Variants in DOCK5 observed in about 807,000 individuals in gnomAD.
DOCK5 encodes the protein dedicator of cytokinesis 5.
DOCK5 carries 142 observed loss-of-function variants against 251.8 expected under a neutral mutation model. That is an observed-to-expected ratio of 0.56 (90% CI 0.49 to 0.65). DOCK5 has a LOEUF of 0.65. Ranked by LOEUF, DOCK5 falls within the 30% of genes least tolerant of loss-of-function variation. The pLI is 0.00. For synonymous variants in DOCK5, 842 were observed against 835.5 expected, an observed-to-expected ratio of 1.01 and a Z score of -0.13; for missense variants, 2,111 against 2,312.3, an observed-to-expected ratio of 0.91 and a Z score of 1.79.
chr8:25,390,568 G>A (rs1254654220), intron 42 of DOCK5, among the ~76,000 whole-genome samples: 2 of 152,170 alleles, frequency 1.3e-5, no homozygotes, highest in African/African-American at 2.4e-5. Context: ...TAAAAGCTTG[G>A]TAATACAAAG....
At chr8:25,241,066 C>T (rs547154801) in intron 1 of DOCK5, among the ~76,000 whole-genome samples, 8 of 152,300 alleles carry the variant, frequency 5.3e-5, no homozygotes, top group African/African-American at 1.9e-4. Context: ...CATTTAAGGC[C>T]ACCCTGATAA....
At chr8:25,188,071 T>C (rs528217525) in intron 1 of DOCK5, among the ~76,000 whole-genome samples, 1 of 152,278 alleles carries the variant, frequency 6.6e-6, no homozygotes, top group East Asian at 1.9e-4. Flanking sequence ...GATGTTGGGG[T>C]GCCGTTCTAA....
At chr8:25,329,468 G>A (rs1259119491) in intron 18 of DOCK5, among the ~76,000 whole-genome samples, 1 of 152,018 alleles carries the variant, frequency 6.6e-6, no homozygotes, top group African/African-American at 2.4e-5. Context: ...GTTAATAATT[G>A]AACTGTCTAA....
chr8:25,341,757 C>T lies in DOCK5; in HGVS notation c.2458C>T (p.Leu820Phe). Residue 820 changes from leucine (L) to phenylalanine (F), a missense_variant, in exon 24 of 52, where the codon CTT becomes TTT. This residue lies in a region of DOCK5 where 1,717 missense variants were observed against 1,892.4 expected (regional missense o/e 0.91). Coordinates refer to ENST00000276440, the MANE Select transcript of DOCK5 (RefSeq NM_024940.8). ...CTTACAGGGGGCAGCTTTGAAGTAC[C>T]TTCCTAGCATAATTAATGATGTCAA... ...VKIKGAALKY[L>F]PSIINDVKLV... 6.3e-7 allele frequency: 1 copy of T among 1,578,776 alleles called. No individual in the cohort carries two copies. Among genetic ancestry groups the T allele is most frequent in the Non-Finnish European group, 8.6e-7 (1 of 1,160,452 alleles).
intron 2 of DOCK5, among the ~76,000 whole-genome samples, chr8:25,256,908 T>C (rs1803436042): frequency 6.6e-6 from 1 of 151,826 alleles, no homozygotes; most frequent in African/African-American, 2.4e-5. Flanking sequence ...TTTTTGGTCC[T>C]CTTTCTTTTA....
At chr8:25,319,521 T>A (rs1805362846) in intron 14 of DOCK5, 57 bp from the exon 15 acceptor site, 1 of 1,235,020 alleles carries the variant, frequency 8.1e-7, no homozygotes. Context: ...GTATATGGGG[T>A]CCTCTTACTT....
At chr8:25,279,243 A>G (rs901744365) in intron 5 of DOCK5, among the ~76,000 whole-genome samples, 2 of 152,194 alleles carry the variant, frequency 1.3e-5, no homozygotes, top group Non-Finnish European at 2.9e-5. Flanking sequence ...GTTTGACCTC[A>G]TAATGCTAAT....
At chr8:25,260,517 G>A (rs773816593) in intron 2 of DOCK5, among the ~76,000 whole-genome samples, 5 of 152,134 alleles carry the variant, frequency 3.3e-5, no homozygotes, top group African/African-American at 9.7e-5. Context: ...TGCTTTTCTT[G>A]TTGGGAAATC....
rs34216387 is a variant in DOCK5, at chr8:25,356,907, TTATATATATATATATATATATATA to T, written c.2851-2040_2851-2017del. On this transcript the variant is annotated intron_variant, in intron 27 of 51. Transcript: ENST00000276440. ...AATTTTAAATCCCTCTATATGAAGA[TTATATATATATATATATATATATA>T]TATATATATATATATGCAAATTAAA... Among the ~76,000 whole-genome samples, 95 of 131,326 alleles carry T rather than the reference TTATATATATATATATATATATATA, an allele frequency of 7.2e-4. 6 individuals are homozygous for T. The South Asian group carries it at 0.023, about 32-fold the overall frequency. The allele number at this position is 131,326 out of a possible 152,430, so 86.2% of individuals were successfully genotyped here. A position where few individuals can be genotyped will look rare whatever the true frequency, so the allele number is the denominator to read the frequency against.
At chr8:25,339,516 C>A (rs1298395725) in intron 22 of DOCK5, among the ~76,000 whole-genome samples, 17 of 152,024 alleles carry the variant, frequency 1.1e-4, no homozygotes, top group Non-Finnish European at 1.5e-5. Context: ...GTGGTGGAAC[C>A]AGCAGGGAAG....
chr8:25,187,597 T>G (rs1801467078), intron 1 of DOCK5, among the ~76,000 whole-genome samples: 1 of 151,992 alleles, frequency 6.6e-6, no homozygotes, highest in African/African-American at 2.4e-5. Context: ...CCTCCTTGCT[T>G]ATGTTTATGT....
intron 1 of DOCK5, 95 bp from the exon 2 acceptor site, chr8:25,243,579 T>A (rs1563322047): frequency 6.9e-6 from 8 of 1,164,382 alleles, no homozygotes; most frequent in Non-Finnish European, 9.8e-6. Flanking sequence ...TCCACCCACC[T>A]CACCCTCTCA....
At chr8:25,256,329 A>G (rs1563326926) in intron 2 of DOCK5, among the ~76,000 whole-genome samples, 1 of 152,180 alleles carries the variant, frequency 6.6e-6, no homozygotes, top group South Asian at 2.1e-4. Context: ...TTTAGTTTTC[A>G]CCAATGCCAG....
At chr8:25,295,858 C>T (rs534230980) in intron 6 of DOCK5, among the ~76,000 whole-genome samples, 1 of 152,274 alleles carries the variant, frequency 6.6e-6, no homozygotes, top group East Asian at 1.9e-4. Context: ...CTTGCTTTCT[C>T]ATGCAGGCTA....
At chr8:25,364,534 C>G in intron 29 of DOCK5, 92 bp from the exon 30 acceptor site, 1 of 867,760 alleles carries the variant, frequency 1.2e-6, no homozygotes, top group Non-Finnish European at 1.9e-6. Flanking sequence ...ATGCCAAGTT[C>G]AGGTTTGGTT....
intron 14 of DOCK5, 69 bp downstream of exon 14, chr8:25,317,200 C>T: frequency 6.4e-6 from 10 of 1,567,114 alleles, no homozygotes; most frequent in South Asian, 5.8e-5. Context: ...GAATCTTGGC[C>T]GTATTTTAAT....
chr8:25,268,858 A>G lies in DOCK5; in HGVS notation c.141A>G (p.Gly47=), dbSNP rs1010994828. 5.1e-6 allele frequency: 8 copies of G among 1,565,324 alleles called. No individual in the cohort carries two copies. The Admixed American group carries it at 8.3e-5, about 16-fold the overall frequency. ...TTGCTCTGACAGGTTGGTACAGAGG[A>G]TATACCCTCCAAAATAAATCTAAAA... is the stretch of plus-strand genomic sequence containing the variant. ...ILEMYEGWYR[G]YTLQNKSKKG... is the part of the protein sequence containing the mutation. The change falls in exon 3 of 52, where the codon GGA becomes GGG. Residue 47 remains glycine (G), a synonymous_variant. Transcript: ENST00000276440.
intron 1 of DOCK5, among the ~76,000 whole-genome samples, chr8:25,202,195 T>G (rs1464992135): frequency 6.6e-6 from 1 of 152,088 alleles, no homozygotes; most frequent in East Asian, 1.9e-4. Context: ...TTTTTGTATT[T>G]TTAGAAGAGA....
At chr8:25,186,823 A>C (rs1417244253) in intron 1 of DOCK5, among the ~76,000 whole-genome samples, 2 of 152,200 alleles carry the variant, frequency 1.3e-5, no homozygotes, top group African/African-American at 2.4e-5. Flanking sequence ...TTTTATTGCC[A>C]TAGTCCTAGG....
Sources: allele counts gnomAD v4.1 joint callset (sites outside exome capture counted in the v4.1 genomes callset), GRCh38; gene constraint gnomAD v4.1.1; regional missense constraint gnomAD v4.1.1; transcripts MANE v1.5; gene names NCBI Gene and HGNC (gene_info 2026-07-23, HGNC 2026-07-21).